The following INTS8 variants were observed in gnomAD, a reference collection of about 807,000 sequenced individuals.
INTS8 encodes integrator complex subunit 8, also known as protein kaonashi-1.
INTS8 carries 47 observed loss-of-function variants against 138.9 expected under a neutral mutation model. The ratio of observed to expected loss-of-function variants is 0.34; its 90% CI spans 0.27 to 0.43. The LOEUF is 0.43. Ranked by LOEUF, INTS8 falls within the 20% of genes least tolerant of loss-of-function variation. The pLI is 1.00. For synonymous variants in INTS8, 392 were observed against 400.9 expected (o/e 0.98, Z 0.27); for missense variants, 996 against 1,173.0 (o/e 0.85, Z 2.20).
At chr8:94,878,146 T>C (rs1269597600) in intron 26 of INTS8, among the ~76,000 whole-genome samples, 1 of 152,200 alleles carries the variant, frequency 6.6e-6, no homozygotes, top group African/African-American at 2.4e-5. Flanking sequence ...TTTTATTTTC[T>C]TGGGCCACTG....
intron 10 of INTS8, among the ~76,000 whole-genome samples, chr8:94,846,992 A>G (rs948680799): frequency 1.3e-5 from 2 of 152,322 alleles, no homozygotes; most frequent in Non-Finnish European, 1.5e-5. Flanking sequence ...GTTTGCCAAT[A>G]TATGAAGATT....
intron 13 of INTS8, among the ~76,000 whole-genome samples, chr8:94,852,610 C>G (rs1452787228): frequency 1.3e-5 from 2 of 150,538 alleles, no homozygotes; most frequent in African/African-American, 4.9e-5. Context: ...TTTTTTGAGA[C>G]TGAGTTTCAC....
intron 17 of INTS8, 32 bp downstream of exon 17, chr8:94,865,722 T>C (rs1215982248): frequency 1.3e-6 from 2 of 1,575,846 alleles, no homozygotes; most frequent in African/African-American, 1.3e-5. Flanking sequence ...TTAGTTGTGT[T>C]TGAGTTCTTA....
intron 3 of INTS8, 58 bp from the exon 4 acceptor site, chr8:94,827,664 A>G (rs923690253): frequency 4.1e-5 from 58 of 1,425,624 alleles, no homozygotes; most frequent in Non-Finnish European, 5.1e-5. Context: ...TACTTGAAAA[A>G]ATAATTGAGA....
At chr8:94,862,893 A>C (rs1299432224) in intron 16 of INTS8, among the ~76,000 whole-genome samples, 1 of 152,142 alleles carries the variant, frequency 6.6e-6, no homozygotes, top group Non-Finnish European at 1.5e-5. Flanking sequence ...AAAAGTCTGA[A>C]AGGATATTAA....
Position 94,881,448 on chromosome 8 carries a change from T to C in INTS8, c.*1214T>C, listed in dbSNP as rs1013048602. 3 of 588,712 alleles carry C rather than the reference T, an allele frequency of 5.1e-6. No homozygotes were observed. The highest frequency in any genetic ancestry group is 4.3e-4 in the Middle Eastern group (1 of 2,314). 36.5% of individuals were successfully genotyped at this position (588,712 alleles called of 1,614,324 possible). ...CCTGCTGTTTCTTTAACAGCTAACATAGGAAATAATTAAATGTATTCTTTA... is the reference window on the plus strand; with the variant it reads ...CCTGCTGTTTCTTTAACAGCTAACACAGGAAATAATTAAATGTATTCTTTA... On this transcript the variant is annotated 3_prime_UTR_variant, in exon 27 of 27. Coordinates refer to ENST00000523731, the MANE Select transcript of INTS8 (RefSeq NM_017864.4).
intron 5 of INTS8, among the ~76,000 whole-genome samples, chr8:94,829,693 T>C (rs974913978): frequency 4.6e-5 from 7 of 152,182 alleles, no homozygotes; most frequent in African/African-American, 7.2e-5. Context: ...GTTTTTACTA[T>C]TAGGATATAG....
In INTS8 at chr8:94,881,628, T is replaced by A. The variant is rs1816817210; in HGVS notation, c.*1394T>A. 4 of 1,611,586 alleles carry A rather than the reference T, an allele frequency of 2.5e-6. No individual in the cohort carries two copies. The highest frequency in any genetic ancestry group is 2.7e-5 in the African/African-American group (2 of 74,658). On this transcript the variant is annotated 3_prime_UTR_variant, in exon 27 of 27. Coordinates refer to ENST00000523731, the MANE Select transcript of INTS8 (RefSeq NM_017864.4). ...ATTCCAACTTGTTTGCTTAGTTATC[T>A]TCTTTAGTGTTTTCCTGGTGGTTTT...
chr8:94,823,556 G>A lies in INTS8; in HGVS notation c.125G>A (p.Cys42Tyr). 6.4e-7 allele frequency: 1 copy of A among 1,571,328 alleles called. No homozygotes were observed. The highest frequency in any genetic ancestry group is 8.6e-7 in the Non-Finnish European group (1 of 1,160,186). Residue 42 changes from cysteine (C) to tyrosine (Y), a missense_variant, in exon 1 of 27, where the codon TGC (cysteine) becomes TAC (tyrosine). By Grantham distance (194) the Cys-to-Tyr change is radical. Transcript: ENST00000523731. ...SLLEKHLRKP[C>Y]PDPAPVQLIV... is the part of the protein sequence containing the mutation. ...TTGGAGAAACATCTGCGCAAGCCCT[G>A]CCCGGGTGAGCGCGGCGCCTGCACC...
intron 8 of INTS8, among the ~76,000 whole-genome samples, chr8:94,840,711 A>G (rs956496973): frequency 6.6e-6 from 1 of 150,688 alleles, no homozygotes; most frequent in African/African-American, 2.4e-5. Context: ...GCGCCTGCCA[A>G]CGTGCCTGGC....
chr8:94,880,315 C>G lies in INTS8; in HGVS notation c.*81C>G, dbSNP rs1816758581. ...ATTAAAAGGTTAAGTTTATATAATA[C>G]ATATGTACACAATTAGTGGTGTTTT... On this transcript the variant is annotated 3_prime_UTR_variant, in exon 27 of 27. Transcript: ENST00000523731. The G allele has an allele frequency of 2.9e-6, 2 of 681,176 alleles. No individual in the cohort carries two copies. The highest frequency in any genetic ancestry group is 5.0e-6 in the Non-Finnish European group (2 of 398,902). The allele number at this position is 681,176 out of a possible 1,614,324, so 42.2% of individuals were successfully genotyped here.
At position 94,865,497 on chromosome 8, in the gene INTS8, A is replaced by G. The variant is rs763664382; in HGVS notation, c.2077-9A>G. The G allele has an allele frequency of 1.2e-6, 2 of 1,606,254 alleles. No homozygotes were observed. Among genetic ancestry groups the G allele is most frequent in the Non-Finnish European group, 1.7e-6 (2 of 1,175,064 alleles). ...TTATCTTTTGTGTATTTTGTTTTTC[A>G]TGTTATAGCTTGGACAGCTTTTAGC... On this transcript the variant is annotated splice_polypyrimidine_tract_variant and intron_variant, in intron 16 of 26. Coordinates refer to ENST00000523731, the MANE Select transcript of INTS8 (RefSeq NM_017864.4).
intron 26 of INTS8, among the ~76,000 whole-genome samples, chr8:94,878,217 CTTTT>C (rs917694874): frequency 2.0e-5 from 3 of 152,168 alleles, no homozygotes; most frequent in African/African-American, 7.2e-5. Context: ...AACCCGTCAG[CTTTT>C]TTGTTTTACC....
intron 16 of INTS8, 134 bp from the exon 17 acceptor site, chr8:94,865,372 T>G (rs1274218401): frequency 1.5e-6 from 1 of 667,816 alleles, no homozygotes; most frequent in Non-Finnish European, 2.6e-6. Context: ...TTGTACAGAA[T>G]GCACAGCATA....
At chr8:94,841,731 G>A (rs575870719) in intron 9 of INTS8, 140 bp downstream of exon 9, 2 of 558,290 alleles carry the variant, frequency 3.6e-6, no homozygotes, top group South Asian at 4.6e-5. Flanking sequence ...ATTAACATAG[G>A]GTGGAGGAAC....
At chr8:94,825,436 A>T (rs564777574) in intron 2 of INTS8, among the ~76,000 whole-genome samples, 4 of 151,254 alleles carry the variant, frequency 2.6e-5, no homozygotes, top group South Asian at 2.1e-4. Context: ...GGAAAAAAAA[A>T]AAAAATAATA....
chr8:94,826,702 G>T (rs1162560978), intron 2 of INTS8, among the ~76,000 whole-genome samples: 8 of 152,162 alleles, frequency 5.3e-5, no homozygotes, highest in Non-Finnish European at 8.8e-5. Flanking sequence ...TAGAGATGAA[G>T]TAAGATTGGC....
intron 10 of INTS8, among the ~76,000 whole-genome samples, chr8:94,846,687 A>G (rs1815345183): frequency 6.6e-6 from 1 of 152,170 alleles, no homozygotes; most frequent in Non-Finnish European, 1.5e-5. Flanking sequence ...AGCTTGCACT[A>G]TTTCACCATT....
chr8:94,854,571 C>T (rs1041852324), intron 14 of INTS8, among the ~76,000 whole-genome samples: 2 of 152,152 alleles, frequency 1.3e-5, no homozygotes, highest in Non-Finnish European at 2.9e-5. Flanking sequence ...GATGTTGAGA[C>T]ATAAGTGGAA....
Sources: allele counts gnomAD v4.1 joint callset (sites outside exome capture counted in the v4.1 genomes callset), GRCh38; gene constraint gnomAD v4.1.1; transcripts MANE v1.5; gene names NCBI Gene and HGNC (gene_info 2026-07-23, HGNC 2026-07-21).